TENM2: variants seen among roughly 807,000 people sequenced by gnomAD.
TENM2 encodes teneurin-2.
In TENM2, 52 loss-of-function variants were observed where a neutral mutation model predicts 245.2. The ratio of observed to expected loss-of-function variants is 0.21; its 90% CI spans 0.17 to 0.27. TENM2 has a LOEUF of 0.27. TENM2 is among the 10% of genes least tolerant of loss of function. The pLI is 1.00. For missense variants in TENM2, 3,046 were observed against 3,666.8 expected (o/e 0.83, Z 4.37); for synonymous variants, 1,363 against 1,438.9 (o/e 0.95, Z 1.19).
chr5:168,152,493 A>G lies in TENM2; in HGVS notation c.2423-10118A>G, dbSNP rs1283903122. On this transcript the variant is annotated intron_variant, in intron 12 of 28. Transcript: ENST00000518659. ...CCTCCTCGGTGTTATTTGTATTTTT[A>G]TGACCCTCCTGTGGCTATAAGGATG... Among the ~76,000 whole-genome samples the G allele has an allele frequency of 2.6e-5, 4 of 152,210 alleles. No individual in the cohort carries two copies. In the South Asian group the frequency reaches 6.2e-4, roughly 24 times the overall value.
At chr5:168,055,152 CA>C (rs1316620660) in intron 6 of TENM2, among the ~76,000 whole-genome samples, 1 of 152,146 alleles carries the variant, frequency 6.6e-6, no homozygotes, top group Non-Finnish European at 1.5e-5. Flanking sequence ...GCCCCTAATT[CA>C]ATCTCAAAGT....
the TENM2 span, among the ~76,000 whole-genome samples, chr5:167,121,316 T>G: frequency 1.8e-4 from 28 of 152,258 alleles, no homozygotes; most frequent in African/African-American, 6.5e-4. Flanking sequence ...AAATAAAACC[T>G]GGCAGTGGGG....
chr5:167,913,064 A>AG (rs146372667), intron 3 of TENM2, among the ~76,000 whole-genome samples: 13 of 152,264 alleles, frequency 8.5e-5, no homozygotes, highest in African/African-American at 3.1e-4. Context: ...TGCATTCCAG[A>AG]GAAAAAAAAC....
chr5:167,445,371 T>TGAGTGAGA (rs370726285), intron 2 of TENM2, among the ~76,000 whole-genome samples: 4 of 81,642 alleles, frequency 4.9e-5, no homozygotes, highest in East Asian at 5.5e-4. Context: ...AGAGAGAGAG[T>TGAGTGAGA]GTCAGGTGTT....
At chr5:167,792,274 C>G (rs999185149) in intron 2 of TENM2, among the ~76,000 whole-genome samples, 1 of 151,970 alleles carries the variant, frequency 6.6e-6, no homozygotes, top group African/African-American at 2.4e-5. Flanking sequence ...TGGTTATGGC[C>G]ATGATGTTGT....
chr5:167,686,930 A>G lies in TENM2; in HGVS notation c.503-189056A>G, dbSNP rs1757111866. The stretch of plus-strand genomic sequence containing the variant: ...CGAGCACATGTTGAAATCCAGGAGG[A>G]GAGAGGGAGGAGCATCGTCCAAAAC... On this transcript the variant is annotated intron_variant, in intron 2 of 28. Transcript: ENST00000518659. Among the ~76,000 whole-genome samples the G allele has an allele frequency of 2.0e-5, 3 of 152,292 alleles. No individual in the cohort carries two copies. The South Asian group carries it at 6.2e-4, about 32-fold the overall frequency.
At position 168,042,972 on chromosome 5, in the gene TENM2, G is replaced by A. The variant is rs76624229; in HGVS notation, c.1187-4455G>A. Among the ~76,000 whole-genome samples, 1,041 of 152,282 alleles carry A rather than the reference G, an allele frequency of 6.8e-3. 16 individuals carry two copies. Among genetic ancestry groups the A allele is most frequent in the Middle Eastern group, 0.034 (10 of 294 alleles). The stretch of plus-strand genomic sequence containing the variant: ...TGGAGCCCGAGGGTCTCTCTGAAGC[G>A]GAGCCTGTCAGATCATGATGAATTG... On this transcript the variant is annotated intron_variant, in intron 5 of 28. Transcript: ENST00000518659.
chr5:167,242,039 G>GTTTTTTT, the TENM2 span, among the ~76,000 whole-genome samples: 1 of 140,188 alleles, frequency 7.1e-6, no homozygotes, highest in African/African-American at 2.7e-5. Context: ...TTCTTTTTTT[G>GTTTTTTT]TTTTTTGTTT....
Position 168,215,494 on chromosome 5 carries a change from C to A in TENM2, c.4078+222C>A, listed in dbSNP as rs973797274. On this transcript the variant is annotated intron_variant, in intron 21 of 28. Coordinates refer to ENST00000518659, the Ensembl canonical transcript of TENM2. ...CTATCCTGGCTAACATGGTGAAACC[C>A]CATCTCTACTAAAAATTACAAAAAA... Among the ~76,000 whole-genome samples, 4 of 152,028 alleles carry A rather than the reference C, an allele frequency of 2.6e-5. No homozygotes were observed. In the East Asian group the frequency reaches 7.7e-4, roughly 29 times the overall value.
At chr5:168,158,825 G>GTATA (rs1373189808) in intron 12 of TENM2, among the ~76,000 whole-genome samples, 199 of 83,982 alleles carry the variant, frequency 2.4e-3, no homozygotes, top group African/African-American at 7.9e-3. Flanking sequence ...GTGTGTGTGT[G>GTATA]TGTGTATATA....
intron 2 of TENM2, among the ~76,000 whole-genome samples, chr5:167,410,523 A>G (rs1219865798): frequency 3.3e-5 from 5 of 149,958 alleles, no homozygotes; most frequent in African/African-American, 1.2e-4. Context: ...AAATTATTAT[A>G]GAGAATTCAG....
chr5:167,807,629 AAAAAAAAAAAG>A (rs1490765414), intron 2 of TENM2, among the ~76,000 whole-genome samples: 1 of 16,420 alleles, frequency 6.1e-5, no homozygotes, highest in Non-Finnish European at 1.9e-4. Context: ...TTTTTTAAAA[AAAAAAAAAAAG>A]AGACAGAACC....
At chr5:167,385,486 G>A (rs906199167) in intron 2 of TENM2, among the ~76,000 whole-genome samples, 7 of 148,046 alleles carry the variant, frequency 4.7e-5, no homozygotes, top group African/African-American at 1.5e-4. Context: ...TATATTGTGG[G>A]GTTTTTTTAG....
At chr5:167,849,349 C>T (rs1258461877) in intron 2 of TENM2, among the ~76,000 whole-genome samples, 7 of 152,072 alleles carry the variant, frequency 4.6e-5, no homozygotes, top group African/African-American at 9.7e-5. Context: ...ATTGTTTTTC[C>T]CCACTCTCAC....
chr5:167,356,689 C>T (rs1174856046), intron 1 of TENM2, among the ~76,000 whole-genome samples: 1 of 152,092 alleles, frequency 6.6e-6, no homozygotes, highest in Non-Finnish European at 1.5e-5. Context: ...ACACAGTACC[C>T]ATTTCTCATA....
the TENM2 span, among the ~76,000 whole-genome samples, chr5:167,173,706 A>T: frequency 6.9e-6 from 1 of 144,232 alleles, no homozygotes; most frequent in Non-Finnish European, 1.5e-5. Context: ...AGGTGATTTG[A>T]GTGTGTGTGT....
At chr5:168,040,036 T>G (rs1362505804) in intron 5 of TENM2, among the ~76,000 whole-genome samples, 1 of 152,152 alleles carries the variant, frequency 6.6e-6, no homozygotes, top group Non-Finnish European at 1.5e-5. Flanking sequence ...GTCATGAGAA[T>G]AGATTAATTC....
chr5:167,223,175 T>C, the TENM2 span, among the ~76,000 whole-genome samples: 16 of 152,180 alleles, frequency 1.1e-4, no homozygotes, highest in Non-Finnish European at 2.4e-4. Flanking sequence ...TTTCTATTTG[T>C]TGGGTACATT....
At chr5:167,756,774 A>T (rs1017890331) in intron 2 of TENM2, among the ~76,000 whole-genome samples, 5 of 152,130 alleles carry the variant, frequency 3.3e-5, no homozygotes, top group Non-Finnish European at 7.4e-5. Context: ...ACATTGTAGG[A>T]CAACTTAGAT....
Sources: gnomAD v4.1 joint callset for allele counts (sites outside exome capture counted in the v4.1 genomes callset) on GRCh38, gnomAD v4.1.1 for gene constraint, MANE v1.5 for transcripts, NCBI Gene and HGNC (gene_info 2026-07-23, HGNC 2026-07-21) for gene names.